HECW2: variants seen among roughly 807,000 people sequenced by gnomAD.
HECW2 encodes HECT, C2 and WW domain containing E3 ubiquitin protein ligase 2.
HECW2 carries 61 observed loss-of-function variants against 175.2 expected under a neutral mutation model. The observed-to-expected ratio is 0.35, with a 90% confidence interval of 0.28 to 0.43. The LOEUF is 0.43. Ranked by LOEUF, HECW2 falls within the 20% of genes least tolerant of loss-of-function variation. The pLI, the probability that HECW2 is intolerant of heterozygous loss-of-function variation, is 1.00. For missense variants in HECW2, 1,524 were observed against 2,000.5 expected (o/e 0.76, Z 4.54); for synonymous variants, 671 against 731.0 (o/e 0.92, Z 1.32).
intron 1 of HECW2, among the ~76,000 whole-genome samples, chr2:196,555,263 A>G (rs1559173636): frequency 6.6e-6 from 1 of 152,176 alleles, no homozygotes; most frequent in Non-Finnish European, 1.5e-5. Flanking sequence ...AAGATCAAGC[A>G]GGCAGATTTG....
rs566327511 is a variant in HECW2, at chr2:196,506,341, C to T, written c.-35-72883G>A. Among the ~76,000 whole-genome samples, 18 of 152,232 alleles carry T rather than the reference C, an allele frequency of 1.2e-4. No individual in the cohort carries two copies. In the South Asian group the frequency reaches 3.1e-3, roughly 26 times the overall value. On this transcript the variant is annotated intron_variant, in intron 1 of 28. Coordinates refer to ENST00000644978, the MANE Select transcript of HECW2 (RefSeq NM_001348768.2). ...CAAATCAGACAAGATATGCAGTAAA[C>T]GGTCACTTCGCAGAATCAATAGTTC... is the stretch of plus-strand genomic sequence containing the variant.
chr2:196,445,702 A>C (rs1333680619), intron 1 of HECW2, among the ~76,000 whole-genome samples: 1 of 152,226 alleles, frequency 6.6e-6, no homozygotes, highest in African/African-American at 2.4e-5. Context: ...GCAGGGGCTG[A>C]AGTAAAGAAA....
intron 2 of HECW2, among the ~76,000 whole-genome samples, chr2:196,383,123 A>G (rs893710655): frequency 5.9e-5 from 9 of 152,184 alleles, no homozygotes; most frequent in African/African-American, 1.7e-4. Context: ...TAAGTTGAAG[A>G]GGTTAATTGA....
At chr2:196,456,065 A>G (rs73989927) in intron 1 of HECW2, among the ~76,000 whole-genome samples, 13,242 of 152,116 alleles carry the variant, frequency 0.087, 633 homozygotes, top group African/African-American at 0.14. Flanking sequence ...CTGAGAAGGC[A>G]TATAAATTAT....
At chr2:196,565,104 A>G (rs780350677) in intron 1 of HECW2, among the ~76,000 whole-genome samples, 25 of 152,120 alleles carry the variant, frequency 1.6e-4, no homozygotes, top group Non-Finnish European at 3.4e-4. Flanking sequence ...TAACTTCACA[A>G]TGAAGTCCAA....
At chr2:196,522,878 T>C (rs1688463043) in intron 1 of HECW2, among the ~76,000 whole-genome samples, 1 of 152,222 alleles carries the variant, frequency 6.6e-6, no homozygotes, top group Non-Finnish European at 1.5e-5. Flanking sequence ...TTGGTTACTG[T>C]AGCCTTGTAG....
intron 17 of HECW2, chr2:196,260,322 T>C (rs941775840): frequency 3.3e-5 from 5 of 152,216 alleles, no homozygotes; most frequent in African/African-American, 4.8e-5. Flanking sequence ...ATGGGTCATA[T>C]GCTTTCAGGA....
At chr2:196,521,835 G>A (rs1193815899) in intron 1 of HECW2, among the ~76,000 whole-genome samples, 13 of 149,462 alleles carry the variant, frequency 8.7e-5, no homozygotes, top group African/African-American at 3.0e-4. Flanking sequence ...TGGCTGCATA[G>A]TATTCCATGG....
chr2:196,520,987 C>T (rs1688348987), intron 1 of HECW2, among the ~76,000 whole-genome samples: 1 of 152,140 alleles, frequency 6.6e-6, no homozygotes, highest in African/African-American at 2.4e-5. Context: ...AGCCAGGGAA[C>T]GAGCCCTACA....
chr2:196,301,378 T>G (rs1691046067), intron 13 of HECW2, among the ~76,000 whole-genome samples: 1 of 152,240 alleles, frequency 6.6e-6, no homozygotes, highest in African/African-American at 2.4e-5. Flanking sequence ...TTTATATTCC[T>G]TTAGTTATAT....
At chr2:196,332,573 A>G (rs1468428351) in intron 4 of HECW2, among the ~76,000 whole-genome samples, 3 of 152,232 alleles carry the variant, frequency 2.0e-5, no homozygotes, top group Non-Finnish European at 4.4e-5. Context: ...TTGACAGAGC[A>G]ATCTCAATGC....
At chr2:196,459,576 T>G (rs1259977325) in intron 1 of HECW2, among the ~76,000 whole-genome samples, 1 of 151,748 alleles carries the variant, frequency 6.6e-6, no homozygotes, top group African/African-American at 2.4e-5. Flanking sequence ...TGATGTCCCC[T>G]CCCTCCATAA....
Position 196,200,746 on chromosome 2 carries a change from A to G in HECW2, c.*531T>C, listed in dbSNP as rs1686828626. On this transcript the variant is annotated 3_prime_UTR_variant, in exon 29 of 29. Coordinates refer to ENST00000644978, the MANE Select transcript of HECW2 (RefSeq NM_001348768.2). Reference sequence around the variant, plus strand: ...TTGGTTTCATTTTCACTCATGTCCCATGAAAGCGGAAACCTATGGTGCACA... The same window carrying G: ...TTGGTTTCATTTTCACTCATGTCCCGTGAAAGCGGAAACCTATGGTGCACA... The G allele has an allele frequency of 6.5e-6, 1 of 153,154 alleles. No individual in the cohort carries two copies. The highest frequency in any genetic ancestry group is 6.5e-5 in the Admixed American group (1 of 15,370). 9.5% of individuals were successfully genotyped at this position (153,154 alleles called of 1,614,324 possible). A position where few individuals can be genotyped will look rare whatever the true frequency, so the allele number is the denominator to read the frequency against.
chr2:196,231,596 T>C (rs532031458), intron 21 of HECW2, among the ~76,000 whole-genome samples: 1 of 152,320 alleles, frequency 6.6e-6, no homozygotes, highest in African/African-American at 2.4e-5. Flanking sequence ...GTTTGACTGG[T>C]GAAATCCCAA....
intron 28 of HECW2, among the ~76,000 whole-genome samples, chr2:196,205,191 A>G (rs550247525): frequency 1.4e-4 from 22 of 152,202 alleles, no homozygotes; most frequent in Non-Finnish European, 2.8e-4. Flanking sequence ...ATGATGGGGA[A>G]AGCATATATT....
At chr2:196,407,649 A>G (rs1404981258) in intron 2 of HECW2, among the ~76,000 whole-genome samples, 1 of 152,194 alleles carries the variant, frequency 6.6e-6, no homozygotes, top group East Asian at 1.9e-4. Context: ...TGGGACTAAA[A>G]CCTAAATGGC....
intron 13 of HECW2, among the ~76,000 whole-genome samples, chr2:196,293,770 T>G (rs1201276514): frequency 6.6e-6 from 1 of 152,204 alleles, no homozygotes; most frequent in African/African-American, 2.4e-5. Context: ...AGTATTGGAC[T>G]AGGTTATTGG....
chr2:196,553,782 T>C (rs1689688389), intron 1 of HECW2, among the ~76,000 whole-genome samples: 1 of 152,242 alleles, frequency 6.6e-6, no homozygotes, highest in Non-Finnish European at 1.5e-5. Flanking sequence ...ATGCTCCACA[T>C]ACTAGGTAAG....
rs184673311 is a variant in HECW2, at chr2:196,252,171, C to T, written c.3529+1749G>A. On this transcript the variant is annotated intron_variant, in intron 19 of 28. Transcript: ENST00000644978. ...CAGCCTGGGCGAAGAAGTGTGACTCCGATTCAAAATAATAATAATAATAAT... is the reference window on the plus strand; with the variant it reads ...CAGCCTGGGCGAAGAAGTGTGACTCTGATTCAAAATAATAATAATAATAAT... 3.6e-3 allele frequency among the ~76,000 whole-genome samples: 158 copies of T among 44,082 alleles called. 6 individuals are homozygous for T. The South Asian group carries it at 0.071, about 20-fold the overall frequency. The allele number at this position is 44,082 out of a possible 152,430, so 28.9% of individuals were successfully genotyped here. A position where few individuals can be genotyped will look rare whatever the true frequency, so the allele number is the denominator to read the frequency against.
Sources: allele counts gnomAD v4.1 joint callset (sites outside exome capture counted in the v4.1 genomes callset), GRCh38; gene constraint gnomAD v4.1.1; transcripts MANE v1.5; gene names NCBI Gene and HGNC (gene_info 2026-07-23, HGNC 2026-07-21).